Variants in CLIP2 observed in about 807,000 individuals in gnomAD.
CLIP2 encodes the protein CAP-Gly domain containing linker protein 2.
In CLIP2, 41 loss-of-function variants were observed where a neutral mutation model predicts 111.7. The ratio of observed to expected loss-of-function variants is 0.37; its 90% CI spans 0.29 to 0.48. The LOEUF (loss-of-function observed/expected upper bound fraction) is 0.48. Ranked by LOEUF, CLIP2 falls within the 20% of genes least tolerant of loss-of-function variation. The pLI is 0.99. For missense variants in CLIP2, 1,160 were observed against 1,422.1 expected, an observed-to-expected ratio of 0.82 and a Z score of 2.96; for synonymous variants, 660 against 644.2, an observed-to-expected ratio of 1.02 and a Z score of -0.37.
At chr7:74,349,475 T>C (rs1380970375) in intron 3 of CLIP2, among the ~76,000 whole-genome samples, 1 of 91,732 alleles carries the variant, frequency 1.1e-5, no homozygotes, top group Non-Finnish European at 2.1e-5. Context: ...TGTGTGTATA[T>C]ATATATATAT....
intron 3 of CLIP2, among the ~76,000 whole-genome samples, chr7:74,342,986 G>A (rs1584343897): frequency 6.6e-6 from 1 of 150,926 alleles, no homozygotes; most frequent in East Asian, 2.0e-4. Context: ...AGTGAGCCAA[G>A]ATGGTGCCAC....
chr7:74,296,825 A>T (rs1036448237), intron 1 of CLIP2, among the ~76,000 whole-genome samples: 2 of 151,204 alleles, frequency 1.3e-5, no homozygotes, highest in Non-Finnish European at 2.9e-5. Flanking sequence ...AAAAGAAACC[A>T]ACCCTGCTGA....
Position 74,404,200 on chromosome 7 carries a change from C to T in CLIP2, c.*352C>T, listed in dbSNP as rs1335978121. 6 of 292,726 alleles carry T rather than the reference C, an allele frequency of 2.0e-5. No homozygotes were observed. The South Asian group carries it at 2.9e-4, about 14-fold the overall frequency. The allele number at this position is 292,726 out of a possible 1,614,324, so 18.1% of individuals were successfully genotyped here. A position where few individuals can be genotyped will look rare whatever the true frequency, so the allele number is the denominator to read the frequency against. On this transcript the variant is annotated 3_prime_UTR_variant, in exon 17 of 17. Transcript: ENST00000223398. The stretch of plus-strand genomic sequence containing the variant: ...TGCCCTGAGGACCATCTTAGCGGCC[C>T]TGTCCTCTTTTTCCGCCCATTCTCC...
intron 8 of CLIP2, among the ~76,000 whole-genome samples, chr7:74,368,408 A>C (rs528250): frequency 0.37 from 56,170 of 151,368 alleles, 11,293 homozygotes; most frequent in Middle Eastern, 0.48. Context: ...TCCCAGCTAT[A>C]CAGGAGGCTG....
intron 1 of CLIP2, among the ~76,000 whole-genome samples, chr7:74,296,892 TAAGCC>T (rs1171007934): frequency 1.3e-5 from 2 of 152,194 alleles, no homozygotes; most frequent in Non-Finnish European, 2.9e-5. Context: ...CTCTGTTGTT[TAAGCC>T]ACCTAGTCTG....
At chr7:74,306,634 G>A (rs1430180715) in intron 1 of CLIP2, among the ~76,000 whole-genome samples, 3 of 152,162 alleles carry the variant, frequency 2.0e-5, no homozygotes, top group African/African-American at 7.2e-5. Context: ...ATGCAGCCGG[G>A]GCTTGTCTCT....
intron 8 of CLIP2, among the ~76,000 whole-genome samples, chr7:74,365,343 G>C (rs112893251): frequency 6.6e-6 from 1 of 152,120 alleles, no homozygotes; most frequent in Admixed American, 6.6e-5. Flanking sequence ...CATTTCAGGG[G>C]ACTGGAGCCA....
intron 13 of CLIP2, among the ~76,000 whole-genome samples, chr7:74,393,873 T>C (rs1791364476): frequency 6.6e-6 from 1 of 152,122 alleles, no homozygotes; most frequent in African/African-American, 2.4e-5. Flanking sequence ...GCAGCCTGTG[T>C]TTTTCCAGTA....
At chr7:74,322,705 T>A (rs1788996878) in intron 2 of CLIP2, among the ~76,000 whole-genome samples, 1 of 152,094 alleles carries the variant, frequency 6.6e-6, no homozygotes, top group South Asian at 2.1e-4. Flanking sequence ...ACTACACCTG[T>A]CCCATTGTTT....
intron 1 of CLIP2, among the ~76,000 whole-genome samples, chr7:74,294,143 C>G (rs1343306829): frequency 6.6e-6 from 1 of 152,140 alleles, no homozygotes; most frequent in African/African-American, 2.4e-5. Context: ...TTTCGAACTC[C>G]TGACCTCAAG....
At position 74,380,798 on chromosome 7, in the gene CLIP2, T is replaced by C. The variant is rs1554313766; in HGVS notation, c.2422-8T>C. 2 of 1,602,856 alleles carry C rather than the reference T, an allele frequency of 1.2e-6. No homozygotes were observed. The highest frequency in any genetic ancestry group is 2.2e-5 in the South Asian group (2 of 90,006). ...TGAGCATCCCCCTTACAGGGGCTCT[T>C]TTTGCAGATGATTGAGTCGAATGAC... On this transcript the variant is annotated splice_region_variant and splice_polypyrimidine_tract_variant and intron_variant, in intron 10 of 16. Coordinates refer to ENST00000223398, the MANE Select transcript of CLIP2 (RefSeq NM_003388.5).
intron 3 of CLIP2, among the ~76,000 whole-genome samples, chr7:74,345,484 C>A (rs1369684622): frequency 1.3e-5 from 2 of 151,926 alleles, no homozygotes; most frequent in African/African-American, 4.8e-5. Flanking sequence ...CCACCCACCT[C>A]AGCCTCTTGA....
chr7:74,393,497 C>T (rs372428227), intron 13 of CLIP2, among the ~76,000 whole-genome samples: 4 of 151,802 alleles, frequency 2.6e-5, no homozygotes, highest in Admixed American at 6.6e-5. Context: ...CCACCATGCC[C>T]GGCTAATTTT....
chr7:74,295,321 G>A (rs1788136923), intron 1 of CLIP2, among the ~76,000 whole-genome samples: 1 of 152,028 alleles, frequency 6.6e-6, no homozygotes, highest in East Asian at 1.9e-4. Flanking sequence ...TTCATGATGG[G>A]GGCAAAGGGA....
chr7:74,331,205 C>CAAAAAAAAAAAA (rs58844348), intron 2 of CLIP2, among the ~76,000 whole-genome samples: 20 of 59,954 alleles, frequency 3.3e-4, no homozygotes, highest in Admixed American at 8.7e-4. Flanking sequence ...GACTCCATCT[C>CAAAAAAAAAAAA]AAAAAAAAAA....
At chr7:74,403,057 A>C (rs1227376642) in intron 16 of CLIP2, among the ~76,000 whole-genome samples, 2 of 136,374 alleles carry the variant, frequency 1.5e-5, no homozygotes, top group South Asian at 2.2e-4. Flanking sequence ...CTAAAAATAC[A>C]AAAAAAAAAA....
chr7:74,336,711 A>G (rs1554732142), intron 2 of CLIP2, among the ~76,000 whole-genome samples: 1 of 152,050 alleles, frequency 6.6e-6, no homozygotes, highest in Admixed American at 6.6e-5. Flanking sequence ...ATTGTCTGGG[A>G]GCTCAGGTGA....
At chr7:74,365,978 G>A (rs1277410968) in intron 8 of CLIP2, among the ~76,000 whole-genome samples, 1 of 151,724 alleles carries the variant, frequency 6.6e-6, no homozygotes, top group East Asian at 1.9e-4. Context: ...GCAGGGTCTC[G>A]CTATGTTGCC....
Position 74,376,872 on chromosome 7 carries a change from C to A in CLIP2, c.2421+50C>A. 1 of 1,464,086 alleles carries A rather than the reference C, an allele frequency of 6.8e-7. No individual in the cohort carries two copies. The highest frequency in any genetic ancestry group is 9.1e-7 in the Non-Finnish European group (1 of 1,102,010). The allele number at this position is 1,464,086 out of a possible 1,614,324, so 90.7% of individuals were successfully genotyped here. ...GGCGGGAGGGTCGGGCTGGGGAGGG[C>A]TTGGCCTTTTGCTGACCTCTGTTCT... is the stretch of plus-strand genomic sequence containing the variant. On this transcript the variant is annotated intron_variant, in intron 10 of 16. Coordinates refer to ENST00000223398, the MANE Select transcript of CLIP2 (RefSeq NM_003388.5). The surrounding 1 kb of genome is among the most constrained non-coding windows in gnomAD (Gnocchi z 7.1).
Sources: gnomAD v4.1 joint callset for allele counts (sites outside exome capture counted in the v4.1 genomes callset) on GRCh38, gnomAD v4.1.1 for gene constraint, Gnocchi (gnomAD v3.1) non-coding constraint, MANE v1.5 for transcripts, NCBI Gene and HGNC (gene_info 2026-07-23, HGNC 2026-07-21) for gene names.